The following NFATC1 variants were observed in gnomAD, a reference collection of about 807,000 sequenced individuals.
NFATC1 encodes the protein nuclear factor of activated T-cells, cytoplasmic 1.
In NFATC1, 22 loss-of-function variants were observed where a neutral mutation model predicts 76.0. The ratio of observed to expected loss-of-function variants is 0.29; its 90% CI spans 0.21 to 0.41. NFATC1 has a LOEUF of 0.41. Ranked by LOEUF, NFATC1 falls within the 10% of genes least tolerant of loss-of-function variation. NFATC1 has a pLI of 1.00. For missense variants in NFATC1, 1,357 were observed against 1,337.7 expected, an observed-to-expected ratio of 1.01 and a Z score of -0.23; for synonymous variants, 704 against 613.1, an observed-to-expected ratio of 1.15 and a Z score of -2.19.
chr18:79,456,096 G>A (rs993925632), intron 6 of NFATC1, among the ~76,000 whole-genome samples: 26 of 152,342 alleles, frequency 1.7e-4, no homozygotes, highest in South Asian at 6.2e-4. Flanking sequence ...GCACCTGGCC[G>A]TTGTTTTGGG....
chr18:79,497,228 C>T (rs2089911169), intron 9 of NFATC1: 1 of 152,276 alleles, frequency 6.6e-6, no homozygotes, highest in Non-Finnish European at 1.5e-5. Flanking sequence ...TCCCCCAAAG[C>T]AACAAAAATA....
Position 79,486,561 on chromosome 18 carries a change from C to A in NFATC1, c.2406C>A (p.Asp802Glu). The change falls in exon 9 of 10, where the codon GAC (aspartate) becomes GAA (glutamate). Residue 802 changes from aspartate to glutamate, a missense_variant. This residue lies in a region of NFATC1 where 424 missense variants were observed against 395.4 expected (regional missense o/e 1.07). Transcript: ENST00000427363. Reference protein sequence around the residue: ...QPAGEAPAVQDVPRPVATHPG... With the variant: ...QPAGEAPAVQEVPRPVATHPG... ...CCGGAGAGGCCCCCGCCGTCCAGGA[C>A]GTGCCCAGGCCAGTGGCCACGCACC... The A allele has an allele frequency of 5.6e-6, 9 of 1,594,144 alleles. No individual in the cohort carries two copies. The highest frequency in any genetic ancestry group is 1.3e-5 in the African/African-American group (1 of 74,808).
rs962972344 is a variant in NFATC1, at chr18:79,441,559, G to A, written c.1387-7223G>A. 9.2e-5 allele frequency among the ~76,000 whole-genome samples: 14 copies of A among 152,176 alleles called. No homozygotes were observed. In the East Asian group the frequency reaches 1.2e-3, roughly 13 times the overall value. ...TCCCTGAGATCAGCCAGGGCATCCC[G>A]GCTGTGGGTGGGCTGTGACCTGAGC... On this transcript the variant is annotated intron_variant, in intron 3 of 9. Coordinates refer to ENST00000427363, the MANE Select transcript of NFATC1 (RefSeq NM_001278669.2).
intron 9 of NFATC1, among the ~76,000 whole-genome samples, chr18:79,520,069 C>T (rs1463186406): frequency 6.6e-6 from 1 of 152,154 alleles, no homozygotes; most frequent in Admixed American, 6.5e-5. Context: ...TGACCGTCGG[C>T]AGGGGTGCCA....
At chr18:79,427,057 T>C (rs1159428826) in intron 2 of NFATC1, among the ~76,000 whole-genome samples, 6 of 152,174 alleles carry the variant, frequency 3.9e-5, no homozygotes, top group Non-Finnish European at 8.8e-5. Context: ...AGCTGGGCTC[T>C]GGGTGCGGCT....
chr18:79,454,407 G>A (rs1322752944), intron 6 of NFATC1, among the ~76,000 whole-genome samples: 1 of 152,246 alleles, frequency 6.6e-6, no homozygotes, highest in African/African-American at 2.4e-5. Context: ...TAGATGGAGC[G>A]GCTCCACTGC....
chr18:79,413,072 A>AGT (rs1042673873), intron 2 of NFATC1, among the ~76,000 whole-genome samples: 2 of 152,224 alleles, frequency 1.3e-5, no homozygotes, highest in African/African-American at 4.8e-5. Context: ...GTACAAGCGT[A>AGT]GTGGCACTGA....
At chr18:79,433,556 T>G (rs1041000477) in intron 2 of NFATC1, 23 bp from the exon 3 acceptor site, 8 of 1,612,372 alleles carry the variant, frequency 5.0e-6, no homozygotes, top group South Asian at 1.1e-5. Context: ...GCTGAACGCC[T>G]CCTCTGCTCT....
At chr18:79,399,992 AT>A (rs1355993657) in intron 1 of NFATC1, among the ~76,000 whole-genome samples, 22 of 151,622 alleles carry the variant, frequency 1.5e-4, no homozygotes, top group East Asian at 3.9e-4. Context: ...TAAAAAAAAA[AT>A]TCCGTCGCCC....
intron 1 of NFATC1, among the ~76,000 whole-genome samples, chr18:79,400,818 T>TCCCGACCCCTC (rs2085189110): frequency 9.3e-4 from 4 of 4,292 alleles, no homozygotes; most frequent in African/African-American, 3.5e-3. Flanking sequence ...CCTCCCGACC[T>TCCCGACCCCTC]CCCCGACCCC....
rs7229723 is a variant in NFATC1 at position 79,410,097 on chromosome 18, G to A, written c.128-306G>A. On this transcript the variant is annotated intron_variant, in intron 1 of 9. Coordinates refer to ENST00000427363, the MANE Select transcript of NFATC1 (RefSeq NM_001278669.2). The surrounding 1 kb of genome is among the most constrained non-coding windows in gnomAD (Gnocchi z 6.7). ...GGAAGGTGGTTTTTGAATGAAGAGCGGAACCCGTGAGGACCCGGCCGCCTC... is the reference window on the plus strand; with the variant it reads ...GGAAGGTGGTTTTTGAATGAAGAGCAGAACCCGTGAGGACCCGGCCGCCTC... 2.6e-3 allele frequency: 1,816 copies of A among 709,400 alleles called. 26 individuals are homozygous for A. The African/African-American group carries it at 0.028, about 11-fold the overall frequency. The allele number at this position is 709,400 out of a possible 1,614,324, so 43.9% of individuals were successfully genotyped here. A position where few individuals can be genotyped will look rare whatever the true frequency, so the allele number is the denominator to read the frequency against.
chr18:79,411,583 G>A (rs1008858301), intron 2 of NFATC1, 82 bp downstream of exon 2: 9 of 1,064,568 alleles, frequency 8.5e-6, no homozygotes, highest in African/African-American at 1.7e-5. Flanking sequence ...GACGGGGGGC[G>A]GCGCGGGGCG....
At chr18:79,485,447 C>T (rs2089465313) in intron 8 of NFATC1, among the ~76,000 whole-genome samples, 1 of 152,260 alleles carries the variant, frequency 6.6e-6, no homozygotes, top group African/African-American at 2.4e-5. Flanking sequence ...CTGCTGACTG[C>T]ACACCCTGCC....
At chr18:79,527,382 G>C (rs1226195130) in intron 9 of NFATC1, 146 bp from the exon 10 acceptor site, 6 of 679,886 alleles carry the variant, frequency 8.8e-6, no homozygotes, top group African/African-American at 7.2e-5. Context: ...TCATGGACCA[G>C]GGTGGGACCG....
At chr18:79,495,466 A>G (rs987166080) in intron 9 of NFATC1, among the ~76,000 whole-genome samples, 5 of 152,224 alleles carry the variant, frequency 3.3e-5, no homozygotes, top group Admixed American at 6.5e-5. Flanking sequence ...TTGACTCCTT[A>G]AAAGTGGGTC....
rs941579019 is a variant in NFATC1, at chr18:79,465,917, C to T, written c.1960-1533C>T. ...CCACTGACAGCACTCATGGCCCCTCCGGCGGCAGCTTCAGCTCCCCTGGGG... is the reference window on the plus strand; with the variant it reads ...CCACTGACAGCACTCATGGCCCCTCTGGCGGCAGCTTCAGCTCCCCTGGGG... On this transcript the variant is annotated intron_variant, in intron 7 of 9. Coordinates refer to ENST00000427363, the MANE Select transcript of NFATC1 (RefSeq NM_001278669.2). The surrounding 1 kb of genome is among the most constrained non-coding windows in gnomAD (Gnocchi z 4.2). 6.6e-5 allele frequency among the ~76,000 whole-genome samples: 10 copies of T among 152,232 alleles called. No homozygotes were observed. Among genetic ancestry groups the T allele is most frequent in the South Asian group, 2.1e-4 (1 of 4,834 alleles).
rs1320931979 is a variant in NFATC1 at position 79,529,055 on chromosome 18, G to A, written c.*1478G>A. 1 of 152,412 alleles carries A rather than the reference G, an allele frequency of 6.6e-6. No individual in the cohort carries two copies. Among genetic ancestry groups the A allele is most frequent in the Non-Finnish European group, 1.5e-5 (1 of 68,046 alleles). The allele number at this position is 152,412 out of a possible 1,614,324, so 9.4% of individuals were successfully genotyped here. On this transcript the variant is annotated 3_prime_UTR_variant, in exon 10 of 10. Coordinates refer to ENST00000427363, the MANE Select transcript of NFATC1 (RefSeq NM_001278669.2). Reference sequence around the variant, plus strand: ...GAGAAAGGGCTCCCGCAGAAGGAACGGCCTGTACCGTGCGCTCCGGCACAA... The same window carrying A: ...GAGAAAGGGCTCCCGCAGAAGGAACAGCCTGTACCGTGCGCTCCGGCACAA...
At chr18:79,398,942 C>T (rs945834712) in intron 1 of NFATC1, among the ~76,000 whole-genome samples, 48 of 152,350 alleles carry the variant, frequency 3.2e-4, no homozygotes, top group African/African-American at 1.1e-3. Context: ...TGGCGGGTGC[C>T]TGTAGTCCCA....
chr18:79,488,301 TG>T (rs2089578589), intron 9 of NFATC1, among the ~76,000 whole-genome samples: 1 of 13,254 alleles, frequency 7.5e-5, no homozygotes, highest in Non-Finnish European at 2.9e-4. Context: ...GCCCTGGTTG[TG>T]TGTGTGTGTG....
Sources: gnomAD v4.1 joint callset for allele counts (sites outside exome capture counted in the v4.1 genomes callset) on GRCh38, gnomAD v4.1.1 for gene constraint, gnomAD v4.1.1 regional missense constraint, Gnocchi (gnomAD v3.1) non-coding constraint, MANE v1.5 for transcripts, NCBI Gene and HGNC (gene_info 2026-07-23, HGNC 2026-07-21) for gene names.